L3MBTL2: variants seen among roughly 807,000 people sequenced by gnomAD.
The protein encoded by L3MBTL2 is L3MBTL histone methyl-lysine binding protein 2, also known as lethal(3)malignant brain tumor-like protein 2.
A neutral mutation model predicts 86.4 loss-of-function variants in L3MBTL2; 49 were observed. That is an observed-to-expected ratio of 0.57 (90% confidence interval 0.45 to 0.72). The LOEUF is 0.72. Among genes scored for constraint, L3MBTL2 ranks in the 30% least tolerant of loss-of-function variants. The pLI is 0.00. For missense variants in L3MBTL2, 755 were observed against 923.7 expected, an observed-to-expected ratio of 0.82 and a Z score of 2.37; for synonymous variants, 336 against 350.6, an observed-to-expected ratio of 0.96 and a Z score of 0.47.
At chr22:41,217,336 C>T (rs954068404) in intron 5 of L3MBTL2, 134 bp downstream of exon 5, 4 of 645,976 alleles carry the variant, frequency 6.2e-6, no homozygotes, top group East Asian at 5.4e-5. Flanking sequence ...ATGGCGTTAC[C>T]ACTCGCTCCA....
chr22:41,229,078 C>T (rs1221033609), intron 15 of L3MBTL2, among the ~76,000 whole-genome samples: 1 of 151,786 alleles, frequency 6.6e-6, no homozygotes, highest in Non-Finnish European at 1.5e-5. Flanking sequence ...GGCAACATAG[C>T]GAGACCCCTA....
Position 41,227,662 on chromosome 22 carries a change from C to T in L3MBTL2, c.1823-142C>T. 5 of 1,567,056 alleles carry T rather than the reference C, an allele frequency of 3.2e-6. No individual in the cohort carries two copies. Among genetic ancestry groups the T allele is most frequent in the Non-Finnish European group, 4.3e-6 (5 of 1,155,864 alleles). On this transcript the variant is annotated intron_variant, in intron 14 of 16. Transcript: ENST00000216237. The surrounding 1 kb of genome is among the most constrained non-coding windows in gnomAD (Gnocchi z 6.0). Reference sequence around the variant, plus strand: ...TCTCCGGCCCCTCCTCCAGCCCCGCCCTCTCCTCATTGCCCAGGTTTGGCT... The same window carrying T: ...TCTCCGGCCCCTCCTCCAGCCCCGCTCTCTCCTCATTGCCCAGGTTTGGCT...
chr22:41,210,089 ACAGAAG>A (rs965835003), intron 2 of L3MBTL2, 156 bp downstream of exon 2: 95 of 895,506 alleles, frequency 1.1e-4, no homozygotes, highest in Non-Finnish European at 1.4e-4. Flanking sequence ...TGTAAGGGAG[ACAGAAG>A]CACCCCAAGT....
intron 2 of L3MBTL2, 75 bp downstream of exon 2, chr22:41,210,008 A>C: frequency 1.9e-6 from 3 of 1,559,356 alleles, no homozygotes; most frequent in Non-Finnish European, 2.6e-6. Context: ...GATATAGGCT[A>C]TATGGGCAGA....
chr22:41,230,089 C>CCCCCCCCG, intron 16 of L3MBTL2, 50 bp from the exon 17 acceptor site: 1 of 873,242 alleles, frequency 1.1e-6, no homozygotes, highest in South Asian at 1.6e-5. Flanking sequence ...GCCCCCACCC[C>CCCCCCCCG]TCCCAGAGTT....
At position 41,224,655 on chromosome 22, in the gene L3MBTL2, G is replaced by C; in HGVS notation, c.1175-70G>C. The stretch of plus-strand genomic sequence containing the variant: ...GCAGCCCCACATTCCCAGGGGAGGC[G>C]TGTGGAGATGGCCCAGGAGCCGCCT... On this transcript the variant is annotated intron_variant, in intron 9 of 16. Transcript: ENST00000216237. The surrounding 1 kb of genome is among the most constrained non-coding windows in gnomAD (Gnocchi z 4.9). 3 of 1,123,768 alleles carry C rather than the reference G, an allele frequency of 2.7e-6. No individual in the cohort carries two copies. The highest frequency in any genetic ancestry group is 4.1e-6 in the Non-Finnish European group (3 of 736,142). 69.6% of individuals were successfully genotyped at this position (1,123,768 alleles called of 1,614,324 possible).
At position 41,220,836 on chromosome 22, in the gene L3MBTL2, C is replaced by T; in HGVS notation, c.821C>T (p.Ala274Val). ...TVDVHPIGWC[A>V]INSKILVPPR... ...GATGTCCACCCCATTGGCTGGTGTG[C>T]CATCAACAGCAAGATCCTAGTGCCC... Residue 274 changes from alanine (A) to valine (V), a missense_variant, in exon 7 of 17, where the codon GCC becomes GTC. Physicochemically the swap from Ala to Val is moderately conservative, Grantham distance 64 (BLOSUM62 0). Coordinates refer to ENST00000216237, the MANE Select transcript of L3MBTL2 (RefSeq NM_031488.5). The T allele has an allele frequency of 6.2e-7, 1 of 1,613,716 alleles. No homozygotes were observed. The highest frequency in any genetic ancestry group is 8.5e-7 in the Non-Finnish European group (1 of 1,179,774).
chr22:41,216,304 G>A (rs759977115), intron 4 of L3MBTL2, 42 bp downstream of exon 4: 1 of 1,597,846 alleles, frequency 6.3e-7, no homozygotes, highest in Non-Finnish European at 8.6e-7. Context: ...TGCCGTGGCT[G>A]GGGAGGAGAC....
At chr22:41,212,851 C>T (rs1178120266) in intron 2 of L3MBTL2, among the ~76,000 whole-genome samples, 3 of 149,094 alleles carry the variant, frequency 2.0e-5, no homozygotes, top group Non-Finnish European at 3.0e-5. Flanking sequence ...GCCAAGATGG[C>T]GCCACTGCAC....
chr22:41,228,354 C>T (rs2032337676), intron 15 of L3MBTL2: 1 of 985,436 alleles, frequency 1.0e-6, no homozygotes, highest in Non-Finnish European at 1.2e-6. Context: ...GCTCTCAGGC[C>T]GTGGGTGTCG....
At chr22:41,221,513 A>T in intron 8 of L3MBTL2, 1 of 550,082 alleles carries the variant, frequency 1.8e-6, no homozygotes, top group East Asian at 2.8e-5. Flanking sequence ...CTACTGCTCC[A>T]GTCATGCTGC....
chr22:41,216,645 A>G (rs2031389422), intron 4 of L3MBTL2, among the ~76,000 whole-genome samples: 1 of 152,116 alleles, frequency 6.6e-6, no homozygotes, highest in South Asian at 2.1e-4. Context: ...GTGTGTAGCA[A>G]TTGCTAAGCA....
chr22:41,207,978 C>T (rs2030379726), intron 1 of L3MBTL2, among the ~76,000 whole-genome samples: 2 of 151,608 alleles, frequency 1.3e-5, no homozygotes, highest in South Asian at 4.2e-4. Context: ...ATTTCAGGCA[C>T]CCACCATCAT....
chr22:41,205,495 GA>G (rs1182948267), intron 1 of L3MBTL2, 109 bp downstream of exon 1: 1 of 1,325,700 alleles, frequency 7.5e-7, no homozygotes, highest in Admixed American at 1.7e-5. Context: ...AGGGTGGGAG[GA>G]TGGATAAACT....
chr22:41,224,851 G>A lies in L3MBTL2; in HGVS notation c.1251+50G>A, dbSNP rs750916107. On this transcript the variant is annotated intron_variant, in intron 10 of 16. Coordinates refer to ENST00000216237, the MANE Select transcript of L3MBTL2 (RefSeq NM_031488.5). This position sits in a 1 kb window ranked among gnomAD's most constrained non-coding sequence, Gnocchi z 4.9. ...TTCCCCTCAGCCATGGGTCCATTCC[G>A]GGCCTGAGGGACCTGGCTCTTCCCC... The A allele has an allele frequency of 1.3e-5, 21 of 1,565,182 alleles. No individual in the cohort carries two copies. The highest frequency in any genetic ancestry group is 2.7e-5 in the African/African-American group (2 of 73,890).
At position 41,227,879 on chromosome 22, in the gene L3MBTL2, GCA is replaced by G. The variant is rs1287226013; in HGVS notation, c.1888+12_1888+13del. ...CAGTTTGGGAAGAAAAGTAAGTGCTGCACCGGTGCAGCCAGGCTGGTGTGGGC... is the reference window on the plus strand; with the variant it reads ...CAGTTTGGGAAGAAAAGTAAGTGCTGCCGGTGCAGCCAGGCTGGTGTGGGC... On this transcript the variant is annotated intron_variant, in intron 15 of 16. Transcript: ENST00000216237. The surrounding 1 kb of genome is among the most constrained non-coding windows in gnomAD (Gnocchi z 6.0). 2.5e-6 allele frequency: 4 copies of G among 1,612,036 alleles called. No homozygotes were observed. The highest frequency in any genetic ancestry group is 3.4e-6 in the Non-Finnish European group (4 of 1,179,100).
chr22:41,212,661 C>A (rs542316448), intron 2 of L3MBTL2, among the ~76,000 whole-genome samples: 1 of 151,816 alleles, frequency 6.6e-6, no homozygotes, highest in Non-Finnish European at 1.5e-5. Context: ...TTTGGGAGGC[C>A]GAGGCGGGAG....
In L3MBTL2 at chr22:41,217,534, A is replaced by G. The variant is rs1048643016; in HGVS notation, c.600+332A>G. ...TTTGCAGCATTTTCCCATGGAAAGC[A>G]GGGTGCTTCTGTAGCTGGCCTGGGC... On this transcript the variant is annotated intron_variant, in intron 5 of 16. Coordinates refer to ENST00000216237, the MANE Select transcript of L3MBTL2 (RefSeq NM_031488.5). The G allele has an allele frequency of 2.6e-5, 7 of 267,340 alleles. No homozygotes were observed. In the Admixed American group the frequency reaches 3.6e-4, roughly 14 times the overall value. 16.6% of individuals were successfully genotyped at this position (267,340 alleles called of 1,614,324 possible).
chr22:41,212,080 G>A (rs2030913997), intron 2 of L3MBTL2, among the ~76,000 whole-genome samples: 1 of 150,720 alleles, frequency 6.6e-6, no homozygotes, highest in South Asian at 2.1e-4. Context: ...TAGCCAGGAT[G>A]GTCTCAATCT....
Sources: gnomAD v4.1 joint callset for allele counts (sites outside exome capture counted in the v4.1 genomes callset) on GRCh38, gnomAD v4.1.1 for gene constraint, Gnocchi (gnomAD v3.1) non-coding constraint, MANE v1.5 for transcripts, NCBI Gene and HGNC (gene_info 2026-07-23, HGNC 2026-07-21) for gene names.